The following SUCLG2 variants were observed in gnomAD, a reference collection of about 807,000 sequenced individuals.
SUCLG2 encodes the protein succinate-CoA ligase GDP-forming subunit beta.
SUCLG2 carries 42 observed loss-of-function variants against 47.9 expected under a neutral mutation model. The ratio of observed to expected loss-of-function variants is 0.88; its 90% CI spans 0.69 to 1.14. SUCLG2 has a LOEUF of 1.14. Among genes scored for constraint, SUCLG2 ranks in the 50% most tolerant of loss-of-function variants. The probability of loss-of-function intolerance (pLI) is 0.00; values close to 1 mark genes in which losing one functional copy is unlikely to be tolerated. For synonymous variants in SUCLG2, 195 were observed against 197.3 expected (o/e 0.99, Z 0.10); for missense variants, 571 against 525.9 (o/e 1.09, Z -0.84).
chr3:67,491,299 T>A (rs1013842325), intron 9 of SUCLG2, among the ~76,000 whole-genome samples: 1 of 149,594 alleles, frequency 6.7e-6, no homozygotes, highest in African/African-American at 2.4e-5. Context: ...AGGAAAATGA[T>A]GGGGACTGCA....
At chr3:67,371,141 G>A (rs1156704781), downstream of SUCLG2, among the ~76,000 whole-genome samples, 1 of 152,098 alleles carries the variant, frequency 6.6e-6, no homozygotes, top group Admixed American at 6.6e-5. Flanking sequence ...TCCCTAGCTA[G>A]GAAAGGAATT....
chr3:67,484,233 T>C (rs1704992224), intron 9 of SUCLG2, among the ~76,000 whole-genome samples: 1 of 152,172 alleles, frequency 6.6e-6, no homozygotes, highest in Admixed American at 6.5e-5. Context: ...CTGACTCTGG[T>C]GAACAAGTCT....
At chr3:67,482,704 C>T (rs931294908) in intron 9 of SUCLG2, among the ~76,000 whole-genome samples, 1 of 152,132 alleles carries the variant, frequency 6.6e-6, no homozygotes, top group African/African-American at 2.4e-5. Flanking sequence ...ACACCTGCTA[C>T]CCAAATGCCA....
At chr3:67,643,998 C>T (rs1187103578) in intron 1 of SUCLG2, among the ~76,000 whole-genome samples, 3 of 152,164 alleles carry the variant, frequency 2.0e-5, no homozygotes, top group African/African-American at 4.8e-5. Context: ...TGGACCTGTG[C>T]TGCATTTGAC....
chr3:67,598,661 C>T (rs775678886), intron 2 of SUCLG2, among the ~76,000 whole-genome samples: 2 of 152,156 alleles, frequency 1.3e-5, no homozygotes, highest in Non-Finnish European at 2.9e-5. Context: ...ACAGAGGCAA[C>T]AGGTTAAATT....
chr3:67,378,356 C>T (rs1195460393), intron 10 of SUCLG2, among the ~76,000 whole-genome samples: 1 of 152,148 alleles, frequency 6.6e-6, no homozygotes, highest in Non-Finnish European at 1.5e-5. Context: ...AGTCTTGCTC[C>T]CTTTAACTCT....
At chr3:67,364,118 A>T (rs1235411292) in intron 10 of SUCLG2, among the ~76,000 whole-genome samples, 1 of 152,220 alleles carries the variant, frequency 6.6e-6, no homozygotes, top group East Asian at 1.9e-4. Flanking sequence ...GGGACACCAC[A>T]GAAGCAACCT....
At chr3:67,455,410 G>A (rs1398473335) in intron 9 of SUCLG2, among the ~76,000 whole-genome samples, 1 of 152,090 alleles carries the variant, frequency 6.6e-6, no homozygotes, top group Non-Finnish European at 1.5e-5. Context: ...CATCTTTCAT[G>A]TTTGCCTAAC....
At chr3:67,384,381 C>T (rs1702218276) in intron 10 of SUCLG2, among the ~76,000 whole-genome samples, 1 of 152,186 alleles carries the variant, frequency 6.6e-6, no homozygotes, top group Non-Finnish European at 1.5e-5. Context: ...ATCTGTTCCA[C>T]TATCTGTTTT....
At chr3:67,450,511 T>C (rs1704030890) in intron 9 of SUCLG2, among the ~76,000 whole-genome samples, 1 of 152,174 alleles carries the variant, frequency 6.6e-6, no homozygotes, top group Non-Finnish European at 1.5e-5. Flanking sequence ...CAATACTGTA[T>C]TGTGAAAATT....
intron 1 of SUCLG2, among the ~76,000 whole-genome samples, chr3:67,648,732 A>G (rs562791499): frequency 6.6e-6 from 1 of 152,322 alleles, no homozygotes; most frequent in South Asian, 2.1e-4. Context: ...CCCTTTCACA[A>G]CTAGGATTTC....
Position 67,605,822 on chromosome 3 carries a change from C to T in SUCLG2, c.226+3633G>A, listed in dbSNP as rs1181628379. On this transcript the variant is annotated intron_variant, in intron 2 of 10. Transcript: ENST00000307227. ...TACCTGAAGAACTAATTTTCTTTTACTTCAAATTGCTTTATTGTCTCTTTT... is the reference window on the plus strand; with the variant it reads ...TACCTGAAGAACTAATTTTCTTTTATTTCAAATTGCTTTATTGTCTCTTTT... Among the ~76,000 whole-genome samples, 28 of 152,104 alleles carry T rather than the reference C, an allele frequency of 1.8e-4. 1 individual carries two copies. The highest frequency in any genetic ancestry group is 1.8e-3 in the Admixed American group (28 of 15,260).
intron 2 of SUCLG2, among the ~76,000 whole-genome samples, chr3:67,602,765 T>C (rs1013527417): frequency 2.6e-5 from 4 of 152,142 alleles, no homozygotes; most frequent in African/African-American, 7.2e-5. Flanking sequence ...AATAACAATA[T>C]TTATTCGTGA....
chr3:67,520,497 C>T lies in SUCLG2; in HGVS notation c.555G>A (p.Pro185=), dbSNP rs775763597. The change falls in exon 5 of 11, where the codon CCG becomes CCA. Residue 185 remains proline, a synonymous_variant. Coordinates refer to ENST00000307227, the MANE Select transcript of SUCLG2 (RefSeq NM_003848.4). The part of the protein sequence containing the change: ...VDIEEVAASN[P]ELIFKEQIDI... ...TTAAACATACCTTAAAAATGAGCTC[C>T]GGGTTTGAAGCAGCCACCTCTTCAA... 10 of 1,613,916 alleles carry T rather than the reference C, an allele frequency of 6.2e-6. No homozygotes were observed. The Admixed American group carries it at 1.0e-4, about 16-fold the overall frequency.
chr3:67,449,717 C>G (rs1244846327), intron 9 of SUCLG2, among the ~76,000 whole-genome samples: 1 of 151,774 alleles, frequency 6.6e-6, no homozygotes, highest in African/African-American at 2.4e-5. Flanking sequence ...CAGGTTCAAG[C>G]AATCCTCACG....
chr3:67,520,710 A>G lies in SUCLG2; in HGVS notation c.418-76T>C. 4 of 1,505,214 alleles carry G rather than the reference A, an allele frequency of 2.7e-6. No homozygotes were observed. In the South Asian group the frequency reaches 4.0e-5, roughly 15 times the overall value. 93.2% of individuals were successfully genotyped at this position (1,505,214 alleles called of 1,614,324 possible). On this transcript the variant is annotated intron_variant, in intron 4 of 10. Coordinates refer to ENST00000307227, the MANE Select transcript of SUCLG2 (RefSeq NM_003848.4). ...ACTTGGAAATCTATACAAACTTGCT[A>G]CACGAATCAAATGGCTTCATTTTCA...
intron 2 of SUCLG2, among the ~76,000 whole-genome samples, chr3:67,587,061 A>C (rs1347031289): frequency 1.3e-5 from 2 of 152,200 alleles, no homozygotes; most frequent in Non-Finnish European, 2.9e-5. Flanking sequence ...TCATCCAATA[A>C]ACAGTCACCA....
At chr3:67,649,105 G>A (rs576902327) in intron 1 of SUCLG2, among the ~76,000 whole-genome samples, 1 of 152,290 alleles carries the variant, frequency 6.6e-6, no homozygotes, top group African/African-American at 2.4e-5. Flanking sequence ...CCTATCTGAA[G>A]AATCAACGTT....
intron 5 of SUCLG2, among the ~76,000 whole-genome samples, chr3:67,519,045 G>A (rs927412611): frequency 6.6e-6 from 1 of 151,884 alleles, no homozygotes; most frequent in Non-Finnish European, 1.5e-5. Context: ...ATTCAAGGTC[G>A]TTTTGTTATA....
Sources: gnomAD v4.1 joint callset for allele counts (sites outside exome capture counted in the v4.1 genomes callset) on GRCh38, gnomAD v4.1.1 for gene constraint, MANE v1.5 for transcripts, NCBI Gene and HGNC (gene_info 2026-07-23, HGNC 2026-07-21) for gene names.